The following PTPRD variants were observed in gnomAD, a reference collection of about 807,000 sequenced individuals.
The protein encoded by PTPRD is receptor-type tyrosine-protein phosphatase delta.
A neutral mutation model predicts 214.5 loss-of-function variants in PTPRD; 34 were observed. The ratio of observed to expected loss-of-function variants is 0.16; its 90% CI spans 0.12 to 0.21. PTPRD has a LOEUF of 0.21. Ranked by LOEUF, PTPRD falls within the 10% of genes least tolerant of loss-of-function variation. The pLI is 1.00. For synonymous variants in PTPRD, 1,128 were observed against 845.7 expected, an observed-to-expected ratio of 1.33 and a Z score of -5.79; for missense variants, 2,545 against 2,398.7, an observed-to-expected ratio of 1.06 and a Z score of -1.27.
At chr9:10,568,917 C>T (rs1200149581) in intron 2 of PTPRD, among the ~76,000 whole-genome samples, 1 of 152,054 alleles carries the variant, frequency 6.6e-6, no homozygotes, top group Non-Finnish European at 1.5e-5. Context: ...CCAAAATTGA[C>T]AAATGGGATC....
intron 9 of PTPRD, among the ~76,000 whole-genome samples, chr9:9,252,805 G>A (rs1410766300): frequency 2.0e-5 from 3 of 152,110 alleles, no homozygotes; most frequent in East Asian, 2.0e-4. Context: ...ATGCTAATAC[G>A]CTTCTGTTTC....
intron 7 of PTPRD, among the ~76,000 whole-genome samples, chr9:9,638,464 T>C (rs1194147594): frequency 6.6e-6 from 1 of 152,218 alleles, no homozygotes; most frequent in African/African-American, 2.4e-5. Context: ...TCCTCGTTTC[T>C]GTGTAAAACC....
chr9:9,832,247 A>G (rs769787563), intron 5 of PTPRD, among the ~76,000 whole-genome samples: 55 of 152,132 alleles, frequency 3.6e-4, no homozygotes, highest in Non-Finnish European at 6.5e-4. Flanking sequence ...GTAGCAGACG[A>G]AAGAGTATCT....
rs754414121 is a variant in PTPRD, at chr9:8,504,282, A to G, written c.1801T>C (p.Ser601Pro). The change falls in exon 23 of 46, where the codon TCA becomes CCA. Residue 601 changes from serine (S) to proline (P), a missense_variant. Transcript: ENST00000381196. ...QGLGASTAEI[S>P]ARTMQSKPSA... ...CTACTTGACTGCATGGTTCTAGCTG[A>G]TATTTCTGCAGTAGAAGCACCCAGG... 1.2e-6 allele frequency: 2 copies of G among 1,614,200 alleles called. No individual in the cohort carries two copies. The highest frequency in any genetic ancestry group is 1.3e-5 in the African/African-American group (1 of 75,068).
rs563833500 is a variant in PTPRD, at chr9:8,482,027, C to T, written c.3413+2092G>A. On this transcript the variant is annotated intron_variant, in intron 30 of 45. Transcript: ENST00000381196. ...CGAACTCCTGACCTTGTGATCTGCC[C>T]GCCTCGGCCTCCCAAAGTGCTGGGA... 1.3e-3 allele frequency among the ~76,000 whole-genome samples: 195 copies of T among 152,180 alleles called. 1 individual carries two copies. The highest frequency in any genetic ancestry group is 3.9e-3 in the African/African-American group (162 of 41,514).
In PTPRD at chr9:10,348,039, C is replaced by G. The variant is rs12683834; in HGVS notation, c.-599-7022G>C. On this transcript the variant is annotated intron_variant, in intron 2 of 45. Coordinates refer to ENST00000381196, the MANE Select transcript of PTPRD (RefSeq NM_002839.4). ...TGCCACTGCACTCCAGCCTGGGAAG[C>G]AGAGCAAGACTTCGTCTAAAAAAAC... Among the ~76,000 whole-genome samples, 1,319 of 152,156 alleles carry G rather than the reference C, an allele frequency of 8.7e-3. 45 individuals carry two copies. Among genetic ancestry groups the G allele is most frequent in the East Asian group, 0.068 (347 of 5,106 alleles).
At chr9:10,076,148 C>T (rs1234778001) in intron 3 of PTPRD, among the ~76,000 whole-genome samples, 1 of 152,080 alleles carries the variant, frequency 6.6e-6, no homozygotes, top group African/African-American at 2.4e-5. Flanking sequence ...CTGTATGTGG[C>T]CCTCTGGCTT....
intron 8 of PTPRD, among the ~76,000 whole-genome samples, chr9:9,455,333 G>A (rs1010661882): frequency 2.0e-5 from 3 of 151,316 alleles, no homozygotes; most frequent in African/African-American, 7.3e-5. Flanking sequence ...GATATGCAGA[G>A]AATGAAAATT....
intron 5 of PTPRD, among the ~76,000 whole-genome samples, chr9:9,821,379 A>G (rs2153573966): frequency 6.6e-6 from 1 of 152,290 alleles, no homozygotes; most frequent in South Asian, 2.1e-4. Flanking sequence ...GGGATTGTAC[A>G]CACATTTGTG....
At chr9:9,489,478 T>A (rs931853750) in intron 8 of PTPRD, among the ~76,000 whole-genome samples, 2 of 152,058 alleles carry the variant, frequency 1.3e-5, no homozygotes, top group Non-Finnish European at 2.9e-5. Context: ...AACAAAGTCT[T>A]AAACATACTC....
chr9:9,594,589 T>G (rs900107744), intron 7 of PTPRD, among the ~76,000 whole-genome samples: 2 of 152,114 alleles, frequency 1.3e-5, no homozygotes, highest in Admixed American at 6.6e-5. Flanking sequence ...TGTAAGTATT[T>G]GGGTTTATTT....
At chr9:9,965,434 C>G (rs1474666994) in intron 4 of PTPRD, among the ~76,000 whole-genome samples, 1 of 152,134 alleles carries the variant, frequency 6.6e-6, no homozygotes, top group Non-Finnish European at 1.5e-5. Flanking sequence ...GGGAACATCT[C>G]AGGATGGGCT....
At chr9:8,790,883 G>T (rs1239279623) in intron 11 of PTPRD, among the ~76,000 whole-genome samples, 1 of 152,100 alleles carries the variant, frequency 6.6e-6, no homozygotes, top group Non-Finnish European at 1.5e-5. Flanking sequence ...CGGTCCCTCA[G>T]TCTCACTATC....
At chr9:10,207,320 T>C (rs925774821) in intron 3 of PTPRD, among the ~76,000 whole-genome samples, 2 of 152,154 alleles carry the variant, frequency 1.3e-5, no homozygotes, top group Non-Finnish European at 2.9e-5. Flanking sequence ...TGGTTTTGTA[T>C]ATATCAACAG....
At chr9:10,011,184 G>C (rs4305952) in intron 4 of PTPRD, among the ~76,000 whole-genome samples, 73,190 of 151,728 alleles carry the variant, frequency 0.48, 21,061 homozygotes, top group Middle Eastern at 0.67. Flanking sequence ...TCTTGGATTG[G>C]AAGGTTCAGC....
At chr9:10,523,009 T>G (rs2134258482) in intron 2 of PTPRD, among the ~76,000 whole-genome samples, 1 of 152,196 alleles carries the variant, frequency 6.6e-6, no homozygotes, top group Middle Eastern at 3.4e-3. Flanking sequence ...TTACAATCAA[T>G]TTTTTGATGA....
chr9:9,137,544 T>G (rs970327572), intron 10 of PTPRD, among the ~76,000 whole-genome samples: 3 of 152,144 alleles, frequency 2.0e-5, no homozygotes, highest in Non-Finnish European at 4.4e-5. Context: ...ATTATTTAAC[T>G]CTCCATAGAA....
At chr9:10,051,974 T>C (rs1589784099) in intron 3 of PTPRD, among the ~76,000 whole-genome samples, 1 of 152,282 alleles carries the variant, frequency 6.6e-6, no homozygotes, top group East Asian at 1.9e-4. Flanking sequence ...AGACAAGGTT[T>C]TGCTCTGTTA....
At chr9:8,785,394 A>G (rs2095901856) in intron 11 of PTPRD, among the ~76,000 whole-genome samples, 1 of 151,738 alleles carries the variant, frequency 6.6e-6, no homozygotes, top group South Asian at 2.1e-4. Flanking sequence ...AGGCAAAAGA[A>G]CAAGAACCTT....
Sources: allele counts gnomAD v4.1 joint callset (sites outside exome capture counted in the v4.1 genomes callset), GRCh38; gene constraint gnomAD v4.1.1; transcripts MANE v1.5; gene names NCBI Gene and HGNC (gene_info 2026-07-23, HGNC 2026-07-21).